The following CFH variants were observed in gnomAD, a reference collection of about 807,000 sequenced individuals.
CFH encodes complement factor H.
Under a neutral mutation model 147.3 loss-of-function variants are expected in CFH, and 53 were observed. The observed-to-expected ratio is 0.36, with a 90% CI of 0.29 to 0.45. The LOEUF is 0.45. Among genes scored for constraint, CFH ranks in the 20% least tolerant of loss-of-function variants. The pLI is 1.00. For synonymous variants in CFH, 536 were observed against 489.4 expected (o/e 1.10, Z -1.26); for missense variants, 1,380 against 1,498.0 (o/e 0.92, Z 1.30).
At position 196,661,257 on chromosome 1, in the gene CFH, T is replaced by C. The variant is rs543797274; in HGVS notation, c.58+9082T>C. Among the ~76,000 whole-genome samples the C allele has an allele frequency of 2.0e-5, 3 of 152,216 alleles. No individual in the cohort carries two copies. The South Asian group carries it at 6.2e-4, about 32-fold the overall frequency. ...AGTGCCCATAAAAACTTTCACATTA[T>C]TTTGTAAAATATAATTTTATATGGT... On this transcript the variant is annotated intron_variant, in intron 1 of 21. Coordinates refer to ENST00000367429, the MANE Select transcript of CFH (RefSeq NM_000186.4).
chr1:196,703,136 G>A (rs1668502451), intron 9 of CFH, among the ~76,000 whole-genome samples: 1 of 152,096 alleles, frequency 6.6e-6, no homozygotes, highest in South Asian at 2.1e-4. Context: ...AAAACACAAG[G>A]AATAATGAAA....
chr1:196,734,139 T>A (rs2149111837), intron 15 of CFH, among the ~76,000 whole-genome samples: 1 of 152,230 alleles, frequency 6.6e-6, no homozygotes, highest in African/African-American at 2.4e-5. Flanking sequence ...GTTTTTGAGA[T>A]TCCTTTTCTA....
intron 11 of CFH, among the ~76,000 whole-genome samples, chr1:196,722,150 T>C (rs1669016088): frequency 1.3e-5 from 2 of 152,224 alleles, no homozygotes; most frequent in South Asian, 2.1e-4. Context: ...CCTGTGAGTT[T>C]TGTACTTTTG....
chr1:196,741,955 C>A lies in CFH; in HGVS notation c.3037C>A (p.Gln1013Lys). The change falls in exon 19 of 22, where the codon CAA (glutamine) becomes AAA (lysine). Residue 1013 changes from glutamine (Q) to lysine (K), a missense_variant. Coordinates refer to ENST00000367429, the MANE Select transcript of CFH (RefSeq NM_000186.4). ...EKKDVYKAGE[Q>K]VTYTCATYYK... Reference sequence around the variant, plus strand: ...GAAGGATGTGTATAAGGCGGGTGAGCAAGTGACTTACACTTGTGCAACATA... The same window carrying A: ...GAAGGATGTGTATAAGGCGGGTGAGAAAGTGACTTACACTTGTGCAACATA... 6.2e-7 allele frequency: 1 copy of A among 1,614,158 alleles called. No individual in the cohort carries two copies. The highest frequency in any genetic ancestry group is 8.5e-7 in the Non-Finnish European group (1 of 1,180,006).
At chr1:196,721,588 A>G (rs1411445603) in intron 11 of CFH, among the ~76,000 whole-genome samples, 1 of 151,892 alleles carries the variant, frequency 6.6e-6, no homozygotes, top group African/African-American at 2.4e-5. Context: ...CTACAGTCCA[A>G]TTTAAGTATG....
intron 1 of CFH, among the ~76,000 whole-genome samples, chr1:196,662,839 C>T (rs1666954334): frequency 6.6e-6 from 1 of 151,888 alleles, no homozygotes; most frequent in African/African-American, 2.4e-5. Flanking sequence ...TAAAATCACA[C>T]CACTGCACTC....
chr1:196,732,279 C>A lies in CFH; in HGVS notation c.2413+3757C>A, dbSNP rs569407107. Among the ~76,000 whole-genome samples, 459 of 151,922 alleles carry A rather than the reference C, an allele frequency of 3.0e-3. 4 individuals carry two copies. The highest frequency in any genetic ancestry group is 5.3e-3 in the Admixed American group (81 of 15,182). On this transcript the variant is annotated intron_variant, in intron 15 of 21. Transcript: ENST00000367429. ...CCTTCATCTAGTCTGCTGATGAATACCTCTTTAAAACTTTTCCGTTCAGTT... is the reference window on the plus strand; with the variant it reads ...CCTTCATCTAGTCTGCTGATGAATAACTCTTTAAAACTTTTCCGTTCAGTT...
chr1:196,692,676 C>CTCTT (rs779610106), intron 9 of CFH, among the ~76,000 whole-genome samples: 1 of 90,940 alleles, frequency 1.1e-5, no homozygotes. Context: ...TTTCTTTTTT[C>CTCTT]TCTTTCTTTC....
At chr1:196,692,764 T>TTC in intron 9 of CFH, among the ~76,000 whole-genome samples, 1 of 38,176 alleles carries the variant, frequency 2.6e-5, no homozygotes, top group Admixed American at 3.2e-4. Context: ...CTTTCTTTCT[T>TTC]TCTTTCTTTC....
intron 9 of CFH, chr1:196,701,396 C>T: frequency 6.2e-7 from 1 of 1,612,798 alleles, no homozygotes; most frequent in Non-Finnish European, 8.5e-7. Context: ...GCCAATGGAA[C>T]CAAGTTTGAG....
intron 1 of CFH, among the ~76,000 whole-genome samples, chr1:196,670,478 A>G (rs1667240074): frequency 1.3e-5 from 2 of 152,098 alleles, no homozygotes; most frequent in African/African-American, 2.4e-5. Context: ...CTCCTATGCT[A>G]TTCTCGTGAT....
chr1:196,717,784 C>T (rs773287466), intron 11 of CFH, among the ~76,000 whole-genome samples: 1 of 151,990 alleles, frequency 6.6e-6, no homozygotes, highest in Non-Finnish European at 1.5e-5. Context: ...TGAGAAAATG[C>T]GAGGGGAAAG....
At chr1:196,684,092 A>G (rs1025861080) in intron 6 of CFH, among the ~76,000 whole-genome samples, 4 of 151,948 alleles carry the variant, frequency 2.6e-5, no homozygotes, top group Non-Finnish European at 5.9e-5. Flanking sequence ...GAGATATAGC[A>G]GAGTTAATGG....
At position 196,732,337 on chromosome 1, in the gene CFH, T is replaced by A. The variant is rs534892598; in HGVS notation, c.2413+3815T>A. On this transcript the variant is annotated intron_variant, in intron 15 of 21. Coordinates refer to ENST00000367429, the MANE Select transcript of CFH (RefSeq NM_000186.4). The stretch of plus-strand genomic sequence containing the variant: ...TCTCAAATTTGTGATTTTTGTTTGG[T>A]ATTTTAAAAATACTTTCTACCTCTT... 2.0e-5 allele frequency among the ~76,000 whole-genome samples: 3 copies of A among 152,104 alleles called. No individual in the cohort carries two copies. The East Asian group carries it at 5.8e-4, about 29-fold the overall frequency.
At chr1:196,672,847 A>T in intron 1 of CFH, 131 bp from the exon 2 acceptor site, 1 of 608,842 alleles carries the variant, frequency 1.6e-6, no homozygotes. Flanking sequence ...GGGTTAGGAG[A>T]GAGAGAGAGA....
intron 9 of CFH, chr1:196,700,829 A>T (rs562391440): frequency 6.8e-4 from 666 of 985,268 alleles, no homozygotes; most frequent in Non-Finnish European, 7.6e-4. Flanking sequence ...TTGGCAGGGC[A>T]GTGCTGACTT....
At chr1:196,657,202 T>C (rs1015695854) in intron 1 of CFH, among the ~76,000 whole-genome samples, 1 of 152,306 alleles carries the variant, frequency 6.6e-6, no homozygotes, top group Non-Finnish European at 1.5e-5. Context: ...TTCTGCTTTG[T>C]CTCTAGAGTT....
chr1:196,680,549 G>A (rs1299779765), intron 6 of CFH, among the ~76,000 whole-genome samples: 1 of 151,874 alleles, frequency 6.6e-6, no homozygotes, highest in Non-Finnish European at 1.5e-5. Flanking sequence ...AGAAGCTACA[G>A]CTATAGTGTG....
intron 1 of CFH, among the ~76,000 whole-genome samples, chr1:196,665,096 T>C: frequency 6.6e-6 from 1 of 151,636 alleles, no homozygotes; most frequent in East Asian, 1.9e-4. Context: ...TTGGTAATGG[T>C]CACGTTAATG....
Sources: allele counts gnomAD v4.1 joint callset (sites outside exome capture counted in the v4.1 genomes callset), GRCh38; gene constraint gnomAD v4.1.1; transcripts MANE v1.5; gene names NCBI Gene and HGNC (gene_info 2026-07-23, HGNC 2026-07-21).